SGCD: variants seen among roughly 807,000 people sequenced by gnomAD.
SGCD encodes sarcoglycan delta, also known as delta-sarcoglycan.
A neutral mutation model predicts 36.6 loss-of-function variants in SGCD; 18 were observed. That is an observed-to-expected ratio of 0.49 (90% CI 0.34 to 0.73). SGCD has a LOEUF of 0.73. Ranked by LOEUF, SGCD falls within the 30% of genes least tolerant of loss-of-function variation. The probability of loss-of-function intolerance (pLI) is 0.01; values close to 1 mark genes in which losing one functional copy is unlikely to be tolerated. For missense variants in SGCD, 387 were observed against 346.7 expected, an observed-to-expected ratio of 1.12 and a Z score of -0.92; for synonymous variants, 133 against 130.6, an observed-to-expected ratio of 1.02 and a Z score of -0.12.
chr5:155,798,616 T>C, the SGCD span, among the ~76,000 whole-genome samples: 1 of 152,214 alleles, frequency 6.6e-6, no homozygotes, highest in Non-Finnish European at 1.5e-5. Context: ...GCAAATTTTC[T>C]CTTCTAATGT....
At chr5:156,186,813 A>G (rs2127630418) in intron 3 of SGCD, among the ~76,000 whole-genome samples, 1 of 152,262 alleles carries the variant, frequency 6.6e-6, no homozygotes, top group African/African-American at 2.4e-5. Flanking sequence ...TTTTCCTCCC[A>G]ATAAGGAATT....
Position 156,022,515 on chromosome 5 carries a change from C to G in SGCD, c.-281-95363C>G, listed in dbSNP as rs79418979. Among the ~76,000 whole-genome samples the G allele has an allele frequency of 7.4e-4, 113 of 152,208 alleles. 1 individual carries two copies. The East Asian group carries it at 0.022, about 29-fold the overall frequency. On this transcript the variant is annotated intron_variant, in intron 1 of 9. Coordinates refer to the SGCD transcript ENST00000517913. ...ATTTTGCAATGCTTAATTTTTGCAA[C>G]ATTATCAGAGCATGAAAACATAACA... is the stretch of plus-strand genomic sequence containing the variant.
At chr5:156,051,142 A>G (rs1759906953) in intron 1 of SGCD, among the ~76,000 whole-genome samples, 1 of 146,596 alleles carries the variant, frequency 6.8e-6, no homozygotes, top group African/African-American at 2.5e-5. Flanking sequence ...ACATTATGAA[A>G]TTTGATAAAT....
chr5:156,073,899 C>T lies in SGCD; in HGVS notation c.-281-43979C>T, dbSNP rs185952907. 1.4e-4 allele frequency among the ~76,000 whole-genome samples: 22 copies of T among 152,166 alleles called. No individual in the cohort carries two copies. In the East Asian group the frequency reaches 3.5e-3, roughly 24 times the overall value. On this transcript the variant is annotated intron_variant, in intron 1 of 9. Transcript: ENST00000517913. ...GAAGCAAGGCTTGACAGGTCTGAAA[C>T]CTGAGAGGAGAGAAAAGTGGCAAAG...
At chr5:155,862,615 G>A in the SGCD span, among the ~76,000 whole-genome samples, 1 of 152,210 alleles carries the variant, frequency 6.6e-6, no homozygotes, top group Non-Finnish European at 1.5e-5. Flanking sequence ...GGTGAGGTAA[G>A]CCACTGTGCC....
At chr5:155,749,657 C>A in the SGCD span, among the ~76,000 whole-genome samples, 1 of 152,194 alleles carries the variant, frequency 6.6e-6, no homozygotes, top group African/African-American at 2.4e-5. Context: ...GCAGACAGAG[C>A]CTTACGGCTG....
At chr5:156,579,030 C>A (rs572758629) in intron 4 of SGCD, among the ~76,000 whole-genome samples, 6 of 152,268 alleles carry the variant, frequency 3.9e-5, no homozygotes, top group Admixed American at 2.0e-4. Flanking sequence ...ATCTTTCCTG[C>A]TTTTTCTTGT....
intron 3 of SGCD, among the ~76,000 whole-genome samples, chr5:156,136,768 G>T (rs998069708): frequency 2.0e-5 from 3 of 152,130 alleles, no homozygotes; most frequent in Non-Finnish European, 4.4e-5. Flanking sequence ...TTTACTAAAA[G>T]CTATAGGATT....
chr5:155,938,214 C>T (rs745845628), intron 1 of SGCD, among the ~76,000 whole-genome samples: 14 of 152,190 alleles, frequency 9.2e-5, no homozygotes, highest in Non-Finnish European at 1.8e-4. Context: ...ATCAATCAAA[C>T]GCAGCATTTG....
At chr5:156,649,730 A>G in intron 7 of SGCD, among the ~76,000 whole-genome samples, 1 of 150,682 alleles carries the variant, frequency 6.6e-6, no homozygotes, top group Non-Finnish European at 1.5e-5. Flanking sequence ...GGGAGAGGGG[A>G]GGGATAGCAT....
intron 3 of SGCD, among the ~76,000 whole-genome samples, chr5:156,244,059 G>A (rs1432187719): frequency 6.6e-6 from 1 of 152,148 alleles, no homozygotes; most frequent in African/African-American, 2.4e-5. Flanking sequence ...AATTAAGTCA[G>A]CAAAGTGATC....
At chr5:156,461,006 T>A (rs1305334796) in intron 3 of SGCD, among the ~76,000 whole-genome samples, 1 of 152,170 alleles carries the variant, frequency 6.6e-6, no homozygotes, top group African/African-American at 2.4e-5. Context: ...TAGAGATTTT[T>A]ATTTCCAGAA....
chr5:156,587,050 A>T (rs1760525171), intron 4 of SGCD, among the ~76,000 whole-genome samples: 1 of 152,214 alleles, frequency 6.6e-6, no homozygotes, highest in Non-Finnish European at 1.5e-5. Context: ...TTACCATAGA[A>T]GTGGAGTTGT....
the SGCD span, among the ~76,000 whole-genome samples, chr5:155,742,977 G>A: frequency 6.6e-6 from 1 of 152,222 alleles, no homozygotes; most frequent in Non-Finnish European, 1.5e-5. Context: ...AGATGTAAGA[G>A]ATACATAGTG....
chr5:155,815,909 G>T, the SGCD span, among the ~76,000 whole-genome samples: 87 of 152,088 alleles, frequency 5.7e-4, no homozygotes, highest in Non-Finnish European at 1.0e-3. Context: ...ACACAGTTTT[G>T]CACATTGGAA....
chr5:156,727,184 A>C (rs898952025), intron 7 of SGCD, among the ~76,000 whole-genome samples: 4 of 152,196 alleles, frequency 2.6e-5, no homozygotes, highest in African/African-American at 7.2e-5. Flanking sequence ...AATGGATAGA[A>C]AATAACTAAG....
chr5:156,229,293 T>TACACAC (rs1281161236), intron 3 of SGCD, among the ~76,000 whole-genome samples: 2 of 125,228 alleles, frequency 1.6e-5, no homozygotes, highest in Non-Finnish European at 3.3e-5. Flanking sequence ...TATATATATA[T>TACACAC]ATATATAAAA....
chr5:156,439,686 T>C (rs1409573507), intron 3 of SGCD, among the ~76,000 whole-genome samples: 6 of 152,168 alleles, frequency 3.9e-5, no homozygotes, highest in Admixed American at 3.9e-4. Context: ...TTGGGGACAA[T>C]GTTACACCAA....
chr5:156,413,028 A>G (rs1360460548), intron 3 of SGCD, among the ~76,000 whole-genome samples: 2 of 151,322 alleles, frequency 1.3e-5, no homozygotes, highest in Admixed American at 6.6e-5. Context: ...CGATCTCCTG[A>G]CCTCATGATC....
Sources: allele counts gnomAD v4.1 joint callset (sites outside exome capture counted in the v4.1 genomes callset), GRCh38; gene constraint gnomAD v4.1.1; transcripts MANE v1.5; gene names NCBI Gene and HGNC (gene_info 2026-07-23, HGNC 2026-07-21).